The following NEGR1 variants were observed in gnomAD, a reference collection of about 807,000 sequenced individuals.
The protein encoded by NEGR1 is neuronal growth regulator 1.
Under a neutral mutation model 40.9 loss-of-function variants are expected in NEGR1, and 10 were observed. That is an observed-to-expected ratio of 0.24 (90% CI 0.15 to 0.42). The LOEUF (loss-of-function observed/expected upper bound fraction) is 0.42, where lower values mean the gene tolerates loss of function less well. Ranked by LOEUF, NEGR1 falls within the 10% of genes least tolerant of loss-of-function variation. NEGR1 has a pLI of 1.00. For synonymous variants in NEGR1, 185 were observed against 166.8 expected, an observed-to-expected ratio of 1.11 and a Z score of -0.84; for missense variants, 352 against 438.9, an observed-to-expected ratio of 0.80 and a Z score of 1.77.
intron 1 of NEGR1, among the ~76,000 whole-genome samples, chr1:72,126,141 C>T (rs1049597117): frequency 3.1e-5 from 3 of 98,116 alleles, no homozygotes; most frequent in African/African-American, 7.2e-5. Flanking sequence ...GTGTGAAAGA[C>T]AGAGAAAGAG....
In NEGR1 at chr1:72,015,319, G is replaced by A. The variant is rs576884550; in HGVS notation, c.177-80008C>T. Among the ~76,000 whole-genome samples the A allele has an allele frequency of 4.6e-5, 7 of 151,892 alleles. No individual in the cohort carries two copies. The East Asian group carries it at 5.8e-4, about 13-fold the overall frequency. ...TTTTAAAAAAGTTTAAAGTATTAGC[G>A]TGGCACTTCTTCTAAAAAAAAAACA... On this transcript the variant is annotated intron_variant, in intron 1 of 6. Transcript: ENST00000357731.
At chr1:71,418,812 T>C (rs1284210830) in intron 6 of NEGR1, among the ~76,000 whole-genome samples, 1 of 152,200 alleles carries the variant, frequency 6.6e-6, no homozygotes, top group East Asian at 1.9e-4. Flanking sequence ...TCATATTTTT[T>C]CATCTTTCTT....
intron 1 of NEGR1, among the ~76,000 whole-genome samples, chr1:72,271,407 G>A (rs1188631819): frequency 1.8e-4 from 27 of 151,708 alleles, no homozygotes; most frequent in Admixed American, 1.8e-3. Flanking sequence ...AGGGAAGAAA[G>A]GTTATTTTCA....
At chr1:71,927,770 G>A (rs911476862) in intron 2 of NEGR1, among the ~76,000 whole-genome samples, 2 of 133,090 alleles carry the variant, frequency 1.5e-5, no homozygotes, top group Non-Finnish European at 3.1e-5. Flanking sequence ...GATCGCCTGA[G>A]CCCAGGCGTT....
chr1:72,049,653 C>T (rs868752571), intron 1 of NEGR1, among the ~76,000 whole-genome samples: 10 of 144,534 alleles, frequency 6.9e-5, no homozygotes, highest in Non-Finnish European at 1.2e-4. Context: ...ACATTGTCAA[C>T]GCATATAACC....
At chr1:72,263,627 T>C (rs1013249694) in intron 1 of NEGR1, among the ~76,000 whole-genome samples, 1 of 151,618 alleles carries the variant, frequency 6.6e-6, no homozygotes, top group African/African-American at 2.4e-5. Context: ...GTGATGAATG[T>C]AGTCAGTCCA....
intron 5 of NEGR1, among the ~76,000 whole-genome samples, chr1:71,608,987 G>T (rs181118476): frequency 1.1e-3 from 162 of 152,206 alleles, no homozygotes; most frequent in Middle Eastern, 6.8e-3. Context: ...TCTGAGAAAG[G>T]CTATATTGGC....
chr1:72,235,357 T>A (rs2100504876), intron 1 of NEGR1, among the ~76,000 whole-genome samples: 1 of 152,032 alleles, frequency 6.6e-6, no homozygotes, highest in East Asian at 1.9e-4. Context: ...ACTTTGAAAC[T>A]TCACAGTAAG....
intron 1 of NEGR1, among the ~76,000 whole-genome samples, chr1:72,187,702 T>C (rs1010958836): frequency 1.3e-5 from 2 of 151,338 alleles, no homozygotes; most frequent in African/African-American, 4.8e-5. Flanking sequence ...ATAATAATAA[T>C]AATAGCAGCT....
intron 2 of NEGR1, among the ~76,000 whole-genome samples, chr1:71,834,516 T>C (rs965252241): frequency 6.8e-5 from 10 of 146,662 alleles, no homozygotes; most frequent in South Asian, 2.4e-4. Context: ...TTTAATCTCA[T>C]TTACTCCTGC....
At chr1:71,919,819 T>G (rs1049583948) in intron 2 of NEGR1, among the ~76,000 whole-genome samples, 1 of 152,202 alleles carries the variant, frequency 6.6e-6, no homozygotes, top group Non-Finnish European at 1.5e-5. Context: ...ATTTCACCAT[T>G]TCTTCATATA....
intron 4 of NEGR1, among the ~76,000 whole-genome samples, chr1:71,620,949 G>A (rs1650589968): frequency 6.6e-6 from 1 of 151,870 alleles, no homozygotes; most frequent in African/African-American, 2.4e-5. Context: ...TAGGATTGGT[G>A]TATGGAGAAA....
chr1:72,261,179 T>G (rs1655440938), intron 1 of NEGR1, among the ~76,000 whole-genome samples: 1 of 152,120 alleles, frequency 6.6e-6, no homozygotes, highest in Non-Finnish European at 1.5e-5. Context: ...AAGTTGGTAC[T>G]ATAAATGATG....
chr1:72,182,743 T>C (rs1045065228), intron 1 of NEGR1, among the ~76,000 whole-genome samples: 3 of 150,968 alleles, frequency 2.0e-5, no homozygotes, highest in African/African-American at 7.3e-5. Context: ...TATAATTGTA[T>C]TGACTGATAT....
chr1:71,717,561 A>T (rs1252956397), intron 3 of NEGR1, among the ~76,000 whole-genome samples: 1 of 152,138 alleles, frequency 6.6e-6, no homozygotes, highest in Admixed American at 6.5e-5. Flanking sequence ...GACTTAATCT[A>T]CTAGTATTTT....
chr1:71,767,312 G>A (rs572367424), intron 3 of NEGR1, among the ~76,000 whole-genome samples: 172 of 152,214 alleles, frequency 1.1e-3, no homozygotes, highest in South Asian at 3.5e-3. Flanking sequence ...ATAGAAATGA[G>A]GAATGTATTG....
chr1:71,742,077 G>A (rs1374401834), intron 3 of NEGR1, among the ~76,000 whole-genome samples: 2 of 152,180 alleles, frequency 1.3e-5, no homozygotes, highest in Non-Finnish European at 2.9e-5. Flanking sequence ...ATTAGGTCAT[G>A]GGAGTGGGGC....
chr1:71,573,254 A>C (rs1284278162), intron 6 of NEGR1, among the ~76,000 whole-genome samples: 1 of 152,202 alleles, frequency 6.6e-6, no homozygotes, highest in Non-Finnish European at 1.5e-5. Context: ...GAATTTGAAG[A>C]TTGATACGAA....
intron 2 of NEGR1, among the ~76,000 whole-genome samples, chr1:71,899,608 G>GA (rs1330005221): frequency 1.3e-5 from 2 of 152,100 alleles, no homozygotes; most frequent in Non-Finnish European, 2.9e-5. Flanking sequence ...CCCATTTACT[G>GA]AAATTAAACC....
Sources: gnomAD v4.1 joint callset for allele counts (sites outside exome capture counted in the v4.1 genomes callset) on GRCh38, gnomAD v4.1.1 for gene constraint, MANE v1.5 for transcripts, NCBI Gene and HGNC (gene_info 2026-07-23, HGNC 2026-07-21) for gene names.